Variants in VCAN observed in about 807,000 individuals in gnomAD.
VCAN encodes versican core protein.
Under a neutral mutation model 245.5 loss-of-function variants are expected in VCAN, and 44 were observed. That is an observed-to-expected ratio of 0.18 (90% CI 0.14 to 0.23). VCAN has a LOEUF of 0.23. VCAN is among the 10% of genes least tolerant of loss of function. VCAN has a pLI of 1.00. For missense variants in VCAN, 3,793 were observed against 4,057.9 expected (o/e 0.93, Z 1.77); for synonymous variants, 1,413 against 1,437.0 (o/e 0.98, Z 0.38).
intron 12 of VCAN, among the ~76,000 whole-genome samples, chr5:83,561,023 A>G (rs977149879): frequency 6.6e-5 from 10 of 152,256 alleles, no homozygotes; most frequent in African/African-American, 2.4e-4. Context: ...TTTTTGGAAT[A>G]TTTAGTTTGT....
Position 83,521,594 on chromosome 5 carries a change from A to T in VCAN, c.3288A>T (p.Gly1096=). Residue 1096 remains glycine (G), a synonymous_variant, in exon 7 of 15, where the codon GGA becomes GGT. Coordinates refer to ENST00000265077, the MANE Select transcript of VCAN (RefSeq NM_004385.5). ...CAGTTTTAGAAACAACTCCAGTTGG[A>T]AAAATTGATCACAGTGTGTCTTATC... ...RVPVLETTPV[G]KIDHSVSYPP... is the part of the protein sequence containing the mutation. 1.2e-6 allele frequency: 2 copies of T among 1,614,078 alleles called. No homozygotes were observed. Among genetic ancestry groups the T allele is most frequent in the East Asian group, 2.2e-5 (1 of 44,874 alleles).
chr5:83,511,460 C>T (rs1345492614), intron 5 of VCAN, among the ~76,000 whole-genome samples: 3 of 152,194 alleles, frequency 2.0e-5, no homozygotes, highest in East Asian at 3.9e-4. Flanking sequence ...GTGCAGGCCG[C>T]GACCTTCGTA....
chr5:83,504,042 A>G (rs898587897), intron 5 of VCAN, among the ~76,000 whole-genome samples: 1 of 152,212 alleles, frequency 6.6e-6, no homozygotes, highest in Non-Finnish European at 1.5e-5. Flanking sequence ...AAAAATATAC[A>G]TGGTCCACTT....
chr5:83,539,907 A>G lies in VCAN; in HGVS notation c.6904A>G (p.Asn2302Asp). 6.2e-7 allele frequency: 1 copy of G among 1,614,104 alleles called. No homozygotes were observed. Among genetic ancestry groups the G allele is most frequent in the Non-Finnish European group, 8.5e-7 (1 of 1,179,978 alleles). ...CTCAAGTGACAAAATTGAAGACTTTAACAGAATGGAAAATGTGGCAAAAGA... is the reference window on the plus strand; with the variant it reads ...CTCAAGTGACAAAATTGAAGACTTTGACAGAATGGAAAATGTGGCAAAAGA... ...STSSDKIEDF[N>D]RMENVAKEVG... The change falls in exon 8 of 15, where the codon AAC becomes GAC. Residue 2302 changes from asparagine (N) to aspartate (D), a missense_variant. By Grantham distance (23) the Asn-to-Asp change is conservative (BLOSUM62 1). Around this residue, in one of 5 missense-constraint regions of VCAN, gnomAD observed 3,182 missense variants for 3,250.3 expected, o/e 0.98. Transcript: ENST00000265077.
At chr5:83,530,597 T>C (rs1746479763) in intron 7 of VCAN, among the ~76,000 whole-genome samples, 1 of 152,102 alleles carries the variant, frequency 6.6e-6, no homozygotes, top group Non-Finnish European at 1.5e-5. Context: ...ATTTATGCTT[T>C]AAAAAAGACA....
At chr5:83,574,815 C>T (rs1748414928) in intron 13 of VCAN, among the ~76,000 whole-genome samples, 1 of 152,026 alleles carries the variant, frequency 6.6e-6, no homozygotes, top group African/African-American at 2.4e-5. Flanking sequence ...AAAATAAGAA[C>T]ATGTGTAATA....
intron 1 of VCAN, among the ~76,000 whole-genome samples, chr5:83,483,137 T>TCACCCATTTCTTTTTGTGCC (rs1356446726): frequency 6.6e-6 from 1 of 152,206 alleles, no homozygotes; most frequent in Non-Finnish European, 1.5e-5. Flanking sequence ...GACTTTGTGG[T>TCACCCATTTCTTTTTGTGCC]CACCCATTTC....
intron 10 of VCAN, among the ~76,000 whole-genome samples, chr5:83,550,106 C>G (rs1436672162): frequency 6.6e-6 from 1 of 152,190 alleles, no homozygotes; most frequent in Non-Finnish European, 1.5e-5. Context: ...GCACAAACTG[C>G]CCTTGCCAAA....
intron 10 of VCAN, among the ~76,000 whole-genome samples, chr5:83,552,987 A>G (rs1747528468): frequency 6.6e-6 from 1 of 152,150 alleles, no homozygotes; most frequent in Admixed American, 6.5e-5. Flanking sequence ...ACTCTTATCT[A>G]TCACTTGAAT....
intron 7 of VCAN, among the ~76,000 whole-genome samples, chr5:83,525,902 T>A (rs1746275780): frequency 6.6e-6 from 1 of 152,190 alleles, no homozygotes; most frequent in South Asian, 2.1e-4. Flanking sequence ...AGGAGCCATC[T>A]GGGCAGATAC....
chr5:83,477,546 G>T (rs1251961695), intron 1 of VCAN, among the ~76,000 whole-genome samples: 2 of 151,906 alleles, frequency 1.3e-5, no homozygotes, highest in East Asian at 3.9e-4. Flanking sequence ...AATGATAAAA[G>T]AAAATCATGG....
chr5:83,494,481 G>A (rs571422657), intron 5 of VCAN, among the ~76,000 whole-genome samples: 2 of 152,218 alleles, frequency 1.3e-5, no homozygotes, highest in African/African-American at 2.4e-5. Context: ...ATTTTTGTAG[G>A]TACTCTGCTG....
intron 9 of VCAN, among the ~76,000 whole-genome samples, chr5:83,547,140 T>C (rs1747258691): frequency 6.6e-6 from 1 of 152,060 alleles, no homozygotes; most frequent in African/African-American, 2.4e-5. Flanking sequence ...GGAGACGTAT[T>C]GGGAGACAGT....
chr5:83,512,453 T>C (rs1041238739), intron 6 of VCAN, 57 bp downstream of exon 6: 4 of 1,578,254 alleles, frequency 2.5e-6, no homozygotes, highest in Admixed American at 1.7e-5. Context: ...CTTCGAAGCA[T>C]GCATTGATGT....
chr5:83,504,652 G>A (rs938580517), intron 5 of VCAN, among the ~76,000 whole-genome samples: 1 of 152,064 alleles, frequency 6.6e-6, no homozygotes, highest in African/African-American at 2.4e-5. Flanking sequence ...AAAGTTCTAG[G>A]ATTACAGGCA....
At chr5:83,577,055 C>G (rs1444019676) in intron 13 of VCAN, among the ~76,000 whole-genome samples, 1 of 152,064 alleles carries the variant, frequency 6.6e-6, no homozygotes, top group Non-Finnish European at 1.5e-5. Flanking sequence ...TTCTGATGAA[C>G]AGAATCCTTA....
intron 7 of VCAN, among the ~76,000 whole-genome samples, chr5:83,527,004 C>T (rs1005571308): frequency 3.3e-5 from 5 of 152,176 alleles, no homozygotes; most frequent in African/African-American, 1.2e-4. Flanking sequence ...CCCTGGCCCT[C>T]TTTGGAGCAT....
chr5:83,477,334 A>G (rs1744425812), intron 1 of VCAN, among the ~76,000 whole-genome samples: 1 of 152,174 alleles, frequency 6.6e-6, no homozygotes, highest in Non-Finnish European at 1.5e-5. Context: ...AAAATTGTTT[A>G]GTTTCATTAA....
At chr5:83,481,917 A>G (rs780734633) in intron 1 of VCAN, among the ~76,000 whole-genome samples, 1 of 152,242 alleles carries the variant, frequency 6.6e-6, no homozygotes, top group African/African-American at 2.4e-5. Flanking sequence ...TAATTTCAGC[A>G]TTAGCTTGTT....
Sources: gnomAD v4.1 joint callset for allele counts (sites outside exome capture counted in the v4.1 genomes callset) on GRCh38, gnomAD v4.1.1 for gene constraint, gnomAD v4.1.1 regional missense constraint, MANE v1.5 for transcripts, NCBI Gene and HGNC (gene_info 2026-07-23, HGNC 2026-07-21) for gene names.